The following SSH2 variants were observed in gnomAD, a reference collection of about 807,000 sequenced individuals.
SSH2 encodes protein phosphatase Slingshot homolog 2.
Under a neutral mutation model 135.2 loss-of-function variants are expected in SSH2, and 37 were observed. That is an observed-to-expected ratio of 0.27 (90% CI 0.21 to 0.36). The LOEUF (loss-of-function observed/expected upper bound fraction) is 0.36. SSH2 is among the 10% of genes least tolerant of loss of function. The probability of loss-of-function intolerance (pLI) is 1.00; values close to 1 mark genes in which losing one functional copy is unlikely to be tolerated. For missense variants in SSH2, 1,408 were observed against 1,765.3 expected (o/e 0.80, Z 3.63); for synonymous variants, 628 against 646.2 (o/e 0.97, Z 0.43).
intron 14 of SSH2, among the ~76,000 whole-genome samples, chr17:29,640,468 C>T (rs766479507): frequency 1.2e-4 from 18 of 152,196 alleles, no homozygotes; most frequent in Non-Finnish European, 2.4e-4. Flanking sequence ...AGCAACAGTG[C>T]ATGTTTCAGA....
At chr17:29,790,239 G>T (rs2042040580) in intron 3 of SSH2, among the ~76,000 whole-genome samples, 1 of 152,128 alleles carries the variant, frequency 6.6e-6, no homozygotes, top group African/African-American at 2.4e-5. Flanking sequence ...GGTAGTTAGG[G>T]TTAGATGAGG....
intron 14 of SSH2, among the ~76,000 whole-genome samples, chr17:29,642,669 T>G (rs762277705): frequency 2.0e-5 from 3 of 152,078 alleles, no homozygotes; most frequent in Non-Finnish European, 2.9e-5. Flanking sequence ...GATACCCTTC[T>G]TTTTAGGTCT....
intron 7 of SSH2, 58 bp downstream of exon 7, chr17:29,677,615 T>C: frequency 1.4e-6 from 2 of 1,428,984 alleles, no homozygotes; most frequent in Non-Finnish European, 2.0e-6. Context: ...GAATGTGCAG[T>C]AAGATGGAGC....
intron 3 of SSH2, among the ~76,000 whole-genome samples, chr17:29,750,434 G>C (rs2040895058): frequency 1.7e-5 from 2 of 118,394 alleles, no homozygotes; most frequent in Non-Finnish European, 3.7e-5. Context: ...GTGAGACTCT[G>C]TCTCAAAAAA....
At chr17:29,798,378 C>G (rs536684918) in intron 2 of SSH2, among the ~76,000 whole-genome samples, 8 of 151,990 alleles carry the variant, frequency 5.3e-5, no homozygotes, top group Non-Finnish European at 1.2e-4. Context: ...AGGGTGGTCT[C>G]GAACTCCTGA....
chr17:29,643,077 TA>T, intron 14 of SSH2: 2 of 953,558 alleles, frequency 2.1e-6, no homozygotes, highest in Non-Finnish European at 2.5e-6. Context: ...GAGATTTTTC[TA>T]AGGATTTTCC....
chr17:29,732,834 A>G (rs542673485), intron 3 of SSH2, among the ~76,000 whole-genome samples: 1 of 152,344 alleles, frequency 6.6e-6, no homozygotes, highest in Non-Finnish European at 1.5e-5. Flanking sequence ...GAATAGATAA[A>G]TGTATAATCT....
chr17:29,650,857 C>A, intron 12 of SSH2, 57 bp from the exon 13 acceptor site: 1 of 1,406,542 alleles, frequency 7.1e-7, no homozygotes, highest in Non-Finnish European at 9.5e-7. Context: ...ATCCAATTCC[C>A]AGCACTGTTT....
intron 1 of SSH2, among the ~76,000 whole-genome samples, chr17:29,920,290 C>T (rs556731982): frequency 6.6e-6 from 1 of 152,332 alleles, no homozygotes; most frequent in African/African-American, 2.4e-5. Context: ...ACTGCTCCCT[C>T]TCACTTAAAG....
Position 29,929,922 on chromosome 17 carries a change from GC to G in SSH2, c.63+15del. 6.3e-7 allele frequency: 1 copy of G among 1,586,724 alleles called. No individual in the cohort carries two copies. The highest frequency in any genetic ancestry group is 8.6e-7 in the Non-Finnish European group (1 of 1,167,570). On this transcript the variant is annotated intron_variant, in intron 1 of 15. Transcript: ENST00000540801. ...AGTGACAGAAGCAAGCGGAGCGGCC[GC>G]CAGGAAGGACTCACCGAGGCGCAGG...
chr17:29,839,196 A>G (rs981596829), intron 2 of SSH2: 3 of 152,196 alleles, frequency 2.0e-5, no homozygotes, highest in Non-Finnish European at 4.4e-5. Context: ...TGCCTCTCCC[A>G]TTGCAGCCAG....
At chr17:29,685,346 A>G (rs916386064) in intron 5 of SSH2, among the ~76,000 whole-genome samples, 1 of 152,230 alleles carries the variant, frequency 6.6e-6, no homozygotes, top group Non-Finnish European at 1.5e-5. Context: ...ATGTAATAAC[A>G]GCATTGTGGT....
At chr17:29,899,598 A>G (rs1184260284) in intron 1 of SSH2, among the ~76,000 whole-genome samples, 1 of 152,214 alleles carries the variant, frequency 6.6e-6, no homozygotes, top group Non-Finnish European at 1.5e-5. Flanking sequence ...CTTCAAGGAG[A>G]ACCACAAACC....
intron 3 of SSH2, among the ~76,000 whole-genome samples, chr17:29,737,638 A>G (rs1196612289): frequency 6.6e-6 from 1 of 152,220 alleles, no homozygotes; most frequent in Non-Finnish European, 1.5e-5. Context: ...AATCTCTTTG[A>G]ACCTCAATCT....
intron 2 of SSH2, among the ~76,000 whole-genome samples, chr17:29,823,514 C>T (rs1366146094): frequency 6.6e-6 from 1 of 152,114 alleles, no homozygotes; most frequent in Non-Finnish European, 1.5e-5. Context: ...CCTCACCCTG[C>T]TTAGGCTCTA....
At chr17:29,886,090 C>T (rs561853763) in intron 1 of SSH2, among the ~76,000 whole-genome samples, 60 of 152,206 alleles carry the variant, frequency 3.9e-4, no homozygotes, top group African/African-American at 1.3e-3. Flanking sequence ...GGAACAGTTT[C>T]GAGGACCCGG....
intron 3 of SSH2, among the ~76,000 whole-genome samples, chr17:29,766,745 G>A (rs2041456252): frequency 6.6e-6 from 1 of 151,900 alleles, no homozygotes; most frequent in African/African-American, 2.4e-5. Flanking sequence ...TTTCTCTAAG[G>A]GCTCGATGTA....
At chr17:29,783,258 A>AATATAATATTTATATTTATATATTATAT (rs543573664) in intron 3 of SSH2, among the ~76,000 whole-genome samples, 17 of 147,208 alleles carry the variant, frequency 1.2e-4, no homozygotes, top group East Asian at 9.7e-4. Flanking sequence ...ACTTTATATA[A>AATATAATATTTATATTTATATATTATAT]ATATAATATT....
At chr17:29,650,395 C>A (rs2036539209) in intron 13 of SSH2, among the ~76,000 whole-genome samples, 1 of 152,122 alleles carries the variant, frequency 6.6e-6, no homozygotes, top group African/African-American at 2.4e-5. Flanking sequence ...GTATCTTTTG[C>A]TGCAGTTTAA....
Sources: gnomAD v4.1 joint callset for allele counts (sites outside exome capture counted in the v4.1 genomes callset) on GRCh38, gnomAD v4.1.1 for gene constraint, MANE v1.5 for transcripts, NCBI Gene and HGNC (gene_info 2026-07-23, HGNC 2026-07-21) for gene names.